Variants in RBMS3 observed in about 807,000 individuals in gnomAD.
RBMS3 encodes the protein RNA-binding motif, single-stranded-interacting protein 3.
Under a neutral mutation model 66.8 loss-of-function variants are expected in RBMS3, and 27 were observed. That is an observed-to-expected ratio of 0.40 (90% CI 0.30 to 0.56). The LOEUF is 0.56. Ranked by LOEUF, RBMS3 falls within the 20% of genes least tolerant of loss-of-function variation. The pLI is 0.40. For missense variants in RBMS3, 513 were observed against 549.5 expected (o/e 0.93, Z 0.66); for synonymous variants, 188 against 183.0 (o/e 1.03, Z -0.22).
At chr3:29,856,045 A>C (rs1171665041) in intron 6 of RBMS3, among the ~76,000 whole-genome samples, 1 of 152,338 alleles carries the variant, frequency 6.6e-6, no homozygotes, top group South Asian at 2.1e-4. Context: ...TCACACAAGA[A>C]TAAATGAAAT....
chr3:29,686,440 T>C (rs1372384021), intron 4 of RBMS3, among the ~76,000 whole-genome samples: 6 of 152,134 alleles, frequency 3.9e-5, no homozygotes, highest in Non-Finnish European at 8.8e-5. Context: ...TTCCAACATT[T>C]TGGGGAAGAT....
At chr3:29,520,581 GAGA>G (rs1311153780) in intron 3 of RBMS3, among the ~76,000 whole-genome samples, 3 of 152,278 alleles carry the variant, frequency 2.0e-5, no homozygotes, top group East Asian at 1.9e-4. Flanking sequence ...AACATAAACT[GAGA>G]AGAAGGAGAG....
chr3:29,662,823 CT>C (rs2050608290), intron 4 of RBMS3, among the ~76,000 whole-genome samples: 1 of 152,144 alleles, frequency 6.6e-6, no homozygotes. Context: ...TAATACAAAG[CT>C]TGTGCTGCCC....
At chr3:29,932,806 A>G (rs1485319597) in intron 10 of RBMS3, among the ~76,000 whole-genome samples, 1 of 152,182 alleles carries the variant, frequency 6.6e-6, no homozygotes, top group Non-Finnish European at 1.5e-5. Flanking sequence ...GGTCAGATAT[A>G]TTTACGCCAC....
At chr3:29,762,096 C>G (rs1029502932) in intron 5 of RBMS3, among the ~76,000 whole-genome samples, 2 of 151,986 alleles carry the variant, frequency 1.3e-5, no homozygotes, top group South Asian at 4.1e-4. Flanking sequence ...TGGTATGGCT[C>G]AAAATGTTCA....
chr3:29,933,110 C>G (rs1027523717), intron 10 of RBMS3, among the ~76,000 whole-genome samples: 1 of 152,152 alleles, frequency 6.6e-6, no homozygotes, highest in African/African-American at 2.4e-5. Context: ...GCCAGGTGAA[C>G]TCTGTCAGAC....
At chr3:29,584,683 T>A (rs1379001648) in intron 3 of RBMS3, among the ~76,000 whole-genome samples, 1 of 152,142 alleles carries the variant, frequency 6.6e-6, no homozygotes, top group Non-Finnish European at 1.5e-5. Context: ...CCAGTGGTAA[T>A]CCTTGTCTAT....
chr3:29,712,429 C>T (rs1439391500), intron 4 of RBMS3, among the ~76,000 whole-genome samples: 1 of 152,166 alleles, frequency 6.6e-6, no homozygotes, highest in Non-Finnish European at 1.5e-5. Flanking sequence ...CCTCCTACGT[C>T]AGCCTCCCAA....
intron 4 of RBMS3, among the ~76,000 whole-genome samples, chr3:29,690,433 A>T (rs1449458453): frequency 6.6e-6 from 1 of 152,200 alleles, no homozygotes; most frequent in Non-Finnish European, 1.5e-5. Context: ...GTCTCAAAAA[A>T]ATGAAAAACA....
chr3:29,808,373 T>C (rs1179649367), intron 6 of RBMS3, among the ~76,000 whole-genome samples: 4 of 152,014 alleles, frequency 2.6e-5, no homozygotes, highest in Non-Finnish European at 5.9e-5. Context: ...TAATGTAGAA[T>C]TGATATTGTG....
intron 4 of RBMS3, among the ~76,000 whole-genome samples, chr3:29,734,051 CTATT>C (rs980930787): frequency 6.6e-6 from 1 of 151,930 alleles, no homozygotes; most frequent in African/African-American, 2.4e-5. Flanking sequence ...CAGTGGAATA[CTATT>C]TAGTCATAAA....
At chr3:29,578,103 C>T (rs976115384) in intron 3 of RBMS3, among the ~76,000 whole-genome samples, 2 of 152,180 alleles carry the variant, frequency 1.3e-5, no homozygotes, top group African/African-American at 4.8e-5. Flanking sequence ...TTTGTGATAA[C>T]AGGAACTATA....
At chr3:29,806,856 T>C (rs1233700467) in intron 6 of RBMS3, among the ~76,000 whole-genome samples, 2 of 151,930 alleles carry the variant, frequency 1.3e-5, no homozygotes, top group Non-Finnish European at 2.9e-5. Flanking sequence ...TAACGTCTAT[T>C]ACTTTTCACC....
intron 12 of RBMS3, among the ~76,000 whole-genome samples, chr3:29,945,370 C>G (rs932735966): frequency 2.0e-5 from 3 of 151,624 alleles, no homozygotes; most frequent in African/African-American, 7.3e-5. Context: ...GAATACTCAT[C>G]TTTAAAGTTC....
chr3:29,397,452 G>A (rs904929416), intron 1 of RBMS3, among the ~76,000 whole-genome samples: 2 of 152,052 alleles, frequency 1.3e-5, no homozygotes, highest in African/African-American at 4.8e-5. Context: ...ATTGGCCTTG[G>A]TTTTAAACGC....
At chr3:29,833,926 G>T (rs138999279) in intron 6 of RBMS3, among the ~76,000 whole-genome samples, 1 of 151,788 alleles carries the variant, frequency 6.6e-6, no homozygotes, top group Non-Finnish European at 1.5e-5. Context: ...TTTTGAAAGC[G>T]CCAAGAAAAA....
intron 1 of RBMS3, among the ~76,000 whole-genome samples, chr3:29,313,741 C>T (rs1447541371): frequency 6.6e-6 from 1 of 151,682 alleles, no homozygotes; most frequent in African/African-American, 2.4e-5. Context: ...CAGCATTGGT[C>T]TCCAGAGCTA....
chr3:29,618,846 T>G (rs1281707472), intron 4 of RBMS3, among the ~76,000 whole-genome samples: 1 of 152,124 alleles, frequency 6.6e-6, no homozygotes, highest in African/African-American at 2.4e-5. Flanking sequence ...TTGCTTCTCT[T>G]TTTCCCTATT....
At chr3:29,535,325 T>C (rs1426306997) in intron 3 of RBMS3, among the ~76,000 whole-genome samples, 3 of 152,186 alleles carry the variant, frequency 2.0e-5, no homozygotes, top group Admixed American at 6.5e-5. Context: ...TTGTGTGAGA[T>C]TGTAAATGCA....
Sources: gnomAD v4.1 joint callset for allele counts (sites outside exome capture counted in the v4.1 genomes callset) on GRCh38, gnomAD v4.1.1 for gene constraint, MANE v1.5 for transcripts, NCBI Gene and HGNC (gene_info 2026-07-23, HGNC 2026-07-21) for gene names.